The following FSTL4 variants were observed in gnomAD, a reference collection of about 807,000 sequenced individuals.
FSTL4 encodes follistatin-related protein 4.
FSTL4 carries 28 observed loss-of-function variants against 78.2 expected under a neutral mutation model. The observed-to-expected ratio is 0.36, with a 90% confidence interval of 0.27 to 0.49. The LOEUF (loss-of-function observed/expected upper bound fraction) is 0.49. Ranked by LOEUF, FSTL4 falls within the 20% of genes least tolerant of loss-of-function variation. FSTL4 has a pLI of 0.98. For missense variants in FSTL4, 922 were observed against 1,084.9 expected (o/e 0.85, Z 2.11); for synonymous variants, 422 against 440.5 (o/e 0.96, Z 0.53).
chr5:133,485,169 A>G (rs1337764967), intron 3 of FSTL4, among the ~76,000 whole-genome samples: 2 of 152,206 alleles, frequency 1.3e-5, no homozygotes, highest in Non-Finnish European at 2.9e-5. Flanking sequence ...ACATTCTAAG[A>G]GTTTCTTTCA....
the FSTL4 span, among the ~76,000 whole-genome samples, chr5:133,782,114 G>A: frequency 6.6e-6 from 1 of 152,186 alleles, no homozygotes; most frequent in East Asian, 1.9e-4. Context: ...TGAAAAACGG[G>A]CTAAGGCCAT....
intron 3 of FSTL4, among the ~76,000 whole-genome samples, chr5:133,487,111 C>A (rs1014023524): frequency 6.6e-6 from 1 of 152,192 alleles, no homozygotes; most frequent in African/African-American, 2.4e-5. Flanking sequence ...CACCAATGAA[C>A]TGCATAGAAG....
chr5:133,347,695 G>A (rs17166624), intron 4 of FSTL4, among the ~76,000 whole-genome samples: 2,493 of 152,148 alleles, frequency 0.016, 64 homozygotes, highest in African/African-American at 0.056. Context: ...TGAACACCAC[G>A]TATTTTCCTT....
chr5:133,467,724 C>T (rs1757745526), intron 3 of FSTL4, among the ~76,000 whole-genome samples: 1 of 152,100 alleles, frequency 6.6e-6, no homozygotes, highest in Non-Finnish European at 1.5e-5. Flanking sequence ...TGCACCCCCA[C>T]CCCGATGGAG....
intron 2 of FSTL4, among the ~76,000 whole-genome samples, chr5:133,599,856 G>T (rs166262): frequency 0.45 from 68,511 of 151,590 alleles, 15,703 homozygotes; most frequent in East Asian, 0.61. Flanking sequence ...GTGGGGGGGC[G>T]GCCACTGCAG....
At chr5:133,565,382 G>A (rs1760004704) in intron 3 of FSTL4, among the ~76,000 whole-genome samples, 1 of 152,182 alleles carries the variant, frequency 6.6e-6, no homozygotes, top group Non-Finnish European at 1.5e-5. Flanking sequence ...CAGCCGGCAA[G>A]GTCCCACTCC....
Position 133,199,509 on chromosome 5 carries a change from T to C in FSTL4, c.2115A>G (p.Ala705=). ...SPDGRFIVSA[A]ADSPWLHVQE... ...GCACGTGCAGCCAGGGGCTGTCAGCTGCAGCACTGACTATGAAGCGCCCGT... is the reference window on the plus strand; with the variant it reads ...GCACGTGCAGCCAGGGGCTGTCAGCCGCAGCACTGACTATGAAGCGCCCGT... The change falls in exon 16 of 16, where the codon GCA becomes GCG. Residue 705 remains alanine, a synonymous_variant. Transcript: ENST00000265342. This position sits in a 1 kb window ranked among gnomAD's most constrained non-coding sequence, Gnocchi z 4.4. 6.2e-7 allele frequency: 1 copy of C among 1,614,222 alleles called. No individual in the cohort carries two copies. Among genetic ancestry groups the C allele is most frequent in the Non-Finnish European group, 8.5e-7 (1 of 1,180,016 alleles).
intron 4 of FSTL4, among the ~76,000 whole-genome samples, chr5:133,324,590 A>T (rs1754160445): frequency 6.6e-6 from 1 of 152,212 alleles, no homozygotes; most frequent in South Asian, 2.1e-4. Flanking sequence ...ACTGTGGATC[A>T]TCAGGCTCCC....
At chr5:133,473,591 G>A (rs1242776299) in intron 3 of FSTL4, among the ~76,000 whole-genome samples, 4 of 152,232 alleles carry the variant, frequency 2.6e-5, no homozygotes, top group African/African-American at 9.6e-5. Context: ...TGCTTGAATA[G>A]AGGAGTCTTC....
chr5:133,810,204 C>T, the FSTL4 span, among the ~76,000 whole-genome samples: 2 of 152,358 alleles, frequency 1.3e-5, no homozygotes, highest in African/African-American at 4.8e-5. Flanking sequence ...CCTGGAGCCA[C>T]CACTAACTAC....
the FSTL4 span, among the ~76,000 whole-genome samples, chr5:133,669,550 G>A: frequency 5.9e-5 from 9 of 152,130 alleles, no homozygotes; most frequent in Non-Finnish European, 1.0e-4. Context: ...CCAGCAGCTC[G>A]GCTTGGCAGC....
chr5:133,362,928 T>C (rs1324980078), intron 4 of FSTL4, among the ~76,000 whole-genome samples: 4 of 152,226 alleles, frequency 2.6e-5, no homozygotes, highest in Admixed American at 6.5e-5. Flanking sequence ...TTCTTTCTTT[T>C]CTATTTCATC....
At chr5:133,466,220 G>C (rs769745886) in intron 3 of FSTL4, among the ~76,000 whole-genome samples, 4 of 152,228 alleles carry the variant, frequency 2.6e-5, no homozygotes, top group Non-Finnish European at 5.9e-5. Flanking sequence ...ATTTTGAGTG[G>C]AGTTGAGGTA....
chr5:133,254,587 C>G (rs1051451126), intron 6 of FSTL4, among the ~76,000 whole-genome samples: 1 of 152,230 alleles, frequency 6.6e-6, no homozygotes, highest in African/African-American at 2.4e-5. Flanking sequence ...CTCCCTTCCC[C>G]CTATCTGCAT....
intron 14 of FSTL4, 42 bp from the exon 15 acceptor site, chr5:133,202,084 T>TG (rs764858868): frequency 1.5e-6 from 2 of 1,373,760 alleles, no homozygotes; most frequent in Non-Finnish European, 2.0e-6. Context: ...CCCATGCAGG[T>TG]GGGGGCTGAA....
intron 3 of FSTL4, among the ~76,000 whole-genome samples, chr5:133,519,007 T>A (rs939278605): frequency 6.6e-6 from 1 of 152,212 alleles, no homozygotes; most frequent in African/African-American, 2.4e-5. Context: ...AGACTATTAT[T>A]AGCACCACTT....
intron 3 of FSTL4, among the ~76,000 whole-genome samples, chr5:133,460,398 T>C (rs1405387518): frequency 6.6e-6 from 1 of 152,220 alleles, no homozygotes; most frequent in Non-Finnish European, 1.5e-5. Flanking sequence ...TCCCCGCTCC[T>C]CCTTGCAGGG....
At chr5:133,795,978 A>G in the FSTL4 span, among the ~76,000 whole-genome samples, 1 of 152,294 alleles carries the variant, frequency 6.6e-6, no homozygotes, top group South Asian at 2.1e-4. Context: ...TCAGTGTCCA[A>G]CGTCCCTGCC....
At chr5:133,817,333 T>C in the FSTL4 span, among the ~76,000 whole-genome samples, 21 of 152,286 alleles carry the variant, frequency 1.4e-4, 1 homozygote, top group East Asian at 4.0e-3. Flanking sequence ...GGAGTTCCAC[T>C]GTATCAGTCA....
Sources: allele counts gnomAD v4.1 joint callset (sites outside exome capture counted in the v4.1 genomes callset), GRCh38; gene constraint gnomAD v4.1.1; non-coding constraint Gnocchi (gnomAD v3.1); transcripts MANE v1.5; gene names NCBI Gene and HGNC (gene_info 2026-07-23, HGNC 2026-07-21).